The following STAU2 variants were observed in gnomAD, a reference collection of about 807,000 sequenced individuals.
STAU2 encodes staufen double-stranded RNA binding protein 2, also known as double-stranded RNA-binding protein Staufen homolog 2.
A neutral mutation model predicts 65.9 loss-of-function variants in STAU2; 20 were observed. The observed-to-expected ratio is 0.30, with a 90% CI of 0.21 to 0.44. The LOEUF (loss-of-function observed/expected upper bound fraction) is 0.44, where lower values mean the gene tolerates loss of function less well. STAU2 is among the 20% of genes least tolerant of loss of function. The probability of loss-of-function intolerance (pLI) is 1.00; values close to 1 mark genes in which losing one functional copy is unlikely to be tolerated. For missense variants in STAU2, 558 were observed against 683.9 expected, an observed-to-expected ratio of 0.82 and a Z score of 2.05; for synonymous variants, 232 against 233.9, an observed-to-expected ratio of 0.99 and a Z score of 0.07.
chr8:73,467,022 T>C (rs556026112), intron 13 of STAU2, among the ~76,000 whole-genome samples: 1 of 152,206 alleles, frequency 6.6e-6, no homozygotes, highest in Non-Finnish European at 1.5e-5. Flanking sequence ...AGACATAAAC[T>C]GTTCAGGAAG....
At chr8:73,583,003 C>G (rs1181044294) in intron 11 of STAU2, among the ~76,000 whole-genome samples, 173 bp from the exon 12 acceptor site, 1 of 152,136 alleles carries the variant, frequency 6.6e-6, no homozygotes, top group South Asian at 2.1e-4. Context: ...TGAAGGGTAT[C>G]ATTTATTCCT....
chr8:73,679,199 A>C (rs1818222888), intron 5 of STAU2, among the ~76,000 whole-genome samples: 1 of 152,204 alleles, frequency 6.6e-6, no homozygotes, highest in Admixed American at 6.5e-5. Flanking sequence ...TATGTCCAAA[A>C]TACAGGTTTG....
At chr8:73,440,004 C>T (rs1363711559) in intron 13 of STAU2, 6 of 152,398 alleles carry the variant, frequency 3.9e-5, no homozygotes, top group African/African-American at 9.6e-5. Context: ...CTCTTAAGAG[C>T]GAAGCTCAGG....
At chr8:73,505,371 T>C (rs543461553) in intron 13 of STAU2, among the ~76,000 whole-genome samples, 22 of 151,946 alleles carry the variant, frequency 1.4e-4, no homozygotes, top group Non-Finnish European at 2.5e-4. Context: ...TGAACAGGAA[T>C]TGAGGTCAGG....
chr8:73,663,344 T>G (rs930005039), intron 6 of STAU2, among the ~76,000 whole-genome samples: 2 of 152,160 alleles, frequency 1.3e-5, no homozygotes, highest in Non-Finnish European at 2.9e-5. Flanking sequence ...GTAAAAAACA[T>G]TACTTAGCTT....
chr8:73,620,345 T>C (rs542107189), intron 6 of STAU2, among the ~76,000 whole-genome samples: 4 of 152,158 alleles, frequency 2.6e-5, no homozygotes, highest in Non-Finnish European at 5.9e-5. Context: ...CTTCTGAAAA[T>C]AGAAGGTCCA....
At chr8:73,453,757 CT>C (rs570949347) in intron 13 of STAU2, among the ~76,000 whole-genome samples, 316 of 151,986 alleles carry the variant, frequency 2.1e-3, no homozygotes, top group Non-Finnish European at 3.4e-3. Flanking sequence ...AGAAATTAAA[CT>C]CTGGTAGTAC....
chr8:73,450,686 C>A (rs977847537), intron 13 of STAU2, among the ~76,000 whole-genome samples: 1 of 152,210 alleles, frequency 6.6e-6, no homozygotes, highest in Non-Finnish European at 1.5e-5. Context: ...CTGTATAATG[C>A]TGATCATCTC....
chr8:73,721,287 CAAAAAAA>C (rs35721754), intron 3 of STAU2, among the ~76,000 whole-genome samples: 6 of 12,464 alleles, frequency 4.8e-4, no homozygotes, highest in East Asian at 5.4e-3. Context: ...ACCCCACCTC[CAAAAAAA>C]AAAAAAAAAA....
chr8:73,424,842 G>A (rs139488465), intron 13 of STAU2, among the ~76,000 whole-genome samples: 1 of 151,880 alleles, frequency 6.6e-6, no homozygotes, highest in Non-Finnish European at 1.5e-5. Context: ...AGGCTTCCTA[G>A]ATCAGAGGTG....
At chr8:73,688,446 G>A (rs944875186) in intron 5 of STAU2, among the ~76,000 whole-genome samples, 5 of 151,948 alleles carry the variant, frequency 3.3e-5, no homozygotes, top group South Asian at 2.1e-4. Flanking sequence ...GATTACAGGC[G>A]TGAGCCAACG....
intron 10 of STAU2, among the ~76,000 whole-genome samples, chr8:73,599,433 G>GA (rs1811461263): frequency 6.6e-6 from 1 of 151,940 alleles, no homozygotes; most frequent in Admixed American, 6.6e-5. Flanking sequence ...AAAACGAGCA[G>GA]AAAAATGAGC....
chr8:73,634,686 A>T (rs949913314), intron 6 of STAU2, among the ~76,000 whole-genome samples: 1 of 152,076 alleles, frequency 6.6e-6, no homozygotes, highest in African/African-American at 2.4e-5. Flanking sequence ...CTCTAGCCAC[A>T]CTAGTCTCCT....
chr8:73,543,196 T>C (rs1806664551), intron 13 of STAU2, among the ~76,000 whole-genome samples: 1 of 152,202 alleles, frequency 6.6e-6, no homozygotes, highest in Non-Finnish European at 1.5e-5. Flanking sequence ...ATTCCACCTA[T>C]ATGAAATCAG....
intron 12 of STAU2, among the ~76,000 whole-genome samples, chr8:73,574,412 AC>A (rs1206930449): frequency 3.9e-5 from 6 of 152,218 alleles, no homozygotes; most frequent in Admixed American, 1.3e-4. Context: ...CTGGGTATAT[AC>A]CCAAAGGATT....
At chr8:73,691,073 T>C (rs1178691043) in intron 4 of STAU2, among the ~76,000 whole-genome samples, 1 of 152,148 alleles carries the variant, frequency 6.6e-6, no homozygotes, top group African/African-American at 2.4e-5. Context: ...GACCTTGAGA[T>C]TCCTGATTGC....
At chr8:73,493,573 A>G (rs1403853591) in intron 13 of STAU2, among the ~76,000 whole-genome samples, 1 of 151,860 alleles carries the variant, frequency 6.6e-6, no homozygotes, top group African/African-American at 2.4e-5. Flanking sequence ...TAAAACCCTA[A>G]TGAGATACCA....
chr8:73,516,201 A>G (rs1822718472), intron 13 of STAU2, among the ~76,000 whole-genome samples: 1 of 151,958 alleles, frequency 6.6e-6, no homozygotes. Flanking sequence ...TGGCCTCCCA[A>G]AGTGCTGGGA....
chr8:73,509,531 G>A (rs1156517639), intron 13 of STAU2, among the ~76,000 whole-genome samples: 7 of 152,162 alleles, frequency 4.6e-5, no homozygotes, highest in African/African-American at 1.4e-4. Context: ...GAGAATAACT[G>A]CGAGGGGGTA....
Sources: gnomAD v4.1 joint callset for allele counts (sites outside exome capture counted in the v4.1 genomes callset) on GRCh38, gnomAD v4.1.1 for gene constraint, MANE v1.5 for transcripts, NCBI Gene and HGNC (gene_info 2026-07-23, HGNC 2026-07-21) for gene names.